The following REV1 variants were observed in gnomAD, a reference collection of about 807,000 sequenced individuals.
REV1 encodes translesion synthesis protein REV1.
REV1 carries 42 observed loss-of-function variants against 137.4 expected under a neutral mutation model. The observed-to-expected ratio is 0.31, with a 90% confidence interval of 0.24 to 0.40. The LOEUF (loss-of-function observed/expected upper bound fraction) is 0.40, where lower values mean the gene tolerates loss of function less well. Among genes scored for constraint, REV1 ranks in the 10% least tolerant of loss-of-function variants. REV1 has a pLI of 1.00. For synonymous variants in REV1, 524 were observed against 519.2 expected, an observed-to-expected ratio of 1.01 and a Z score of -0.12; for missense variants, 1,282 against 1,490.1, an observed-to-expected ratio of 0.86 and a Z score of 2.30.
chr2:99,404,265 GTC>G (rs1219606468), intron 18 of REV1, among the ~76,000 whole-genome samples, 177 bp downstream of exon 18: 1 of 152,010 alleles, frequency 6.6e-6, no homozygotes, highest in African/African-American at 2.4e-5. Context: ...GCTGCTCTGT[GTC>G]TACATCCTGC....
chr2:99,473,365 CAAAAAA>C (rs10645145), intron 1 of REV1, among the ~76,000 whole-genome samples: 2 of 112,080 alleles, frequency 1.8e-5, no homozygotes, highest in East Asian at 5.4e-4. Context: ...GAGACTGTCT[CAAAAAA>C]AAAAAAAAGA....
intron 15 of REV1, 112 bp downstream of exon 15, chr2:99,407,917 A>G: frequency 1.9e-6 from 1 of 515,848 alleles, no homozygotes; most frequent in Non-Finnish European, 3.3e-6. Context: ...AAGCAGCTAA[A>G]GACCTACATA....
intron 1 of REV1, among the ~76,000 whole-genome samples, chr2:99,471,417 T>TA (rs1217087835): frequency 1.6e-4 from 22 of 139,692 alleles, no homozygotes; most frequent in East Asian, 5.9e-4. Context: ...TACACCATGT[T>TA]AAAAAAAAAC....
In REV1 at chr2:99,421,666, A is replaced by G. The variant is rs374206477; in HGVS notation, c.1677-13T>C. ...GTTATGAGTGTAGCTATCAACACAG[A>G]GCAAAGGCAACGAATCACAGCCACA... On this transcript the variant is annotated splice_polypyrimidine_tract_variant and intron_variant, in intron 10 of 22. Transcript: ENST00000258428. 6.2e-7 allele frequency: 1 copy of G among 1,603,254 alleles called. No individual in the cohort carries two copies. Among genetic ancestry groups the G allele is most frequent in the African/African-American group, 1.3e-5 (1 of 74,426 alleles).
chr2:99,401,081 T>C lies in REV1; in HGVS notation c.*160A>G, dbSNP rs1473946562. 2.0e-6 allele frequency: 1 copy of C among 490,348 alleles called. No individual in the cohort carries two copies. Among genetic ancestry groups the C allele is most frequent in the Non-Finnish European group, 3.7e-6 (1 of 272,730 alleles). 30.4% of individuals were successfully genotyped at this position (490,348 alleles called of 1,614,324 possible). A position where few individuals can be genotyped will look rare whatever the true frequency, so the allele number is the denominator to read the frequency against. ...TAACACAATTATTTACATGCAATAC[T>C]GACAAATTTGGCACTTTTTGAAAAG... On this transcript the variant is annotated 3_prime_UTR_variant, in exon 23 of 23. Coordinates refer to ENST00000258428, the MANE Select transcript of REV1 (RefSeq NM_016316.4).
At chr2:99,461,147 C>T (rs531115892) in intron 3 of REV1, among the ~76,000 whole-genome samples, 72 of 152,336 alleles carry the variant, frequency 4.7e-4, no homozygotes, top group African/African-American at 1.7e-3. Flanking sequence ...CCCAATGCTG[C>T]ACCAGCATTT....
chr2:99,437,812 A>G (rs1201877542), intron 6 of REV1, among the ~76,000 whole-genome samples: 1 of 152,142 alleles, frequency 6.6e-6, no homozygotes, highest in Non-Finnish European at 1.5e-5. Flanking sequence ...ACCAAAAAGC[A>G]TTTTTTGACT....
At chr2:99,403,514 CA>C in intron 19 of REV1, 180 bp downstream of exon 19, 1 of 813,880 alleles carries the variant, frequency 1.2e-6, no homozygotes, top group Non-Finnish European at 1.9e-6. Flanking sequence ...AGTACAGACA[CA>C]AATCCAACTA....
At chr2:99,470,578 A>G (rs866397631) in intron 1 of REV1, among the ~76,000 whole-genome samples, 38 of 152,368 alleles carry the variant, frequency 2.5e-4, no homozygotes, top group Admixed American at 1.2e-3. Flanking sequence ...GGTCCAAGCA[A>G]GCGTTAGGTC....
At chr2:99,426,108 G>A (rs1248840511) in intron 9 of REV1, among the ~76,000 whole-genome samples, 2 of 151,898 alleles carry the variant, frequency 1.3e-5, no homozygotes, top group African/African-American at 4.8e-5. Flanking sequence ...CACTTTGGGA[G>A]GCCGAGGTGG....
At chr2:99,456,256 C>G (rs1009513030) in intron 3 of REV1, among the ~76,000 whole-genome samples, 1 of 152,188 alleles carries the variant, frequency 6.6e-6, no homozygotes, top group African/African-American at 2.4e-5. Context: ...TGAGTATCTA[C>G]AATGTGCCAG....
At position 99,403,159 on chromosome 2, in the gene REV1, G is replaced by T. The variant is rs923326848; in HGVS notation, c.3167-53C>A. On this transcript the variant is annotated intron_variant, in intron 19 of 22. Coordinates refer to ENST00000258428, the MANE Select transcript of REV1 (RefSeq NM_016316.4). Reference sequence around the variant, plus strand: ...AACAAAATGATAGTATGGATAGTCTGGATGACAGTATTGGGTTCTCTTTTC... The same window carrying T: ...AACAAAATGATAGTATGGATAGTCTTGATGACAGTATTGGGTTCTCTTTTC... 2.9e-6 allele frequency: 4 copies of T among 1,392,466 alleles called. No individual in the cohort carries two copies. The African/African-American group carries it at 4.4e-5, about 15-fold the overall frequency. The allele number at this position is 1,392,466 out of a possible 1,614,324, so 86.3% of individuals were successfully genotyped here.
At chr2:99,489,380 C>A (rs1687440339) in intron 1 of REV1, among the ~76,000 whole-genome samples, 1 of 152,158 alleles carries the variant, frequency 6.6e-6, no homozygotes, top group South Asian at 2.1e-4. Context: ...CCCGAACGCG[C>A]GCGTGAATGA....
At chr2:99,446,598 A>G (rs906808402) in intron 4 of REV1, among the ~76,000 whole-genome samples, 1 of 151,742 alleles carries the variant, frequency 6.6e-6, no homozygotes, top group Non-Finnish European at 1.5e-5. Context: ...AGGTTCAAGC[A>G]ATTCTCCTGC....
chr2:99,403,509 A>G (rs1357719181), intron 19 of REV1, 186 bp downstream of exon 19: 3 of 772,784 alleles, frequency 3.9e-6, no homozygotes, highest in South Asian at 2.0e-5. Flanking sequence ...CTGAAAGTAC[A>G]GACACAAATC....
At chr2:99,461,983 A>G (rs944527747) in intron 3 of REV1, among the ~76,000 whole-genome samples, 1 of 152,242 alleles carries the variant, frequency 6.6e-6, no homozygotes. Context: ...GAGAAAATGA[A>G]TAGAGAGACT....
chr2:99,463,463 C>T (rs80335359), intron 2 of REV1, among the ~76,000 whole-genome samples: 4 of 152,056 alleles, frequency 2.6e-5, no homozygotes, highest in African/African-American at 7.2e-5. Flanking sequence ...AGGTTGCAAA[C>T]GAGCTGAGAT....
Position 99,438,803 on chromosome 2 carries a change from A to C in REV1, c.1011T>G (p.Pro337=). 1.2e-6 allele frequency: 2 copies of C among 1,614,254 alleles called. No individual in the cohort carries two copies. Among genetic ancestry groups the C allele is most frequent in the Non-Finnish European group, 8.5e-7 (1 of 1,180,044 alleles). Reference sequence around the variant, plus strand: ...AGTCTGAAGGTTTGGATGGCACTGAAGGTGCTGCCTTGCTAAACGTAGATA... The same window carrying C: ...AGTCTGAAGGTTTGGATGGCACTGACGGTGCTGCCTTGCTAAACGTAGATA... ...SSVSTFSKAA[P]SVPSKPSDCN... is the part of the protein sequence containing the mutation. Residue 337 remains proline, a synonymous_variant, in exon 6 of 23, where the codon CCT becomes CCG. Coordinates refer to ENST00000258428, the MANE Select transcript of REV1 (RefSeq NM_016316.4).
chr2:99,414,376 G>A (rs1267496803), intron 12 of REV1, among the ~76,000 whole-genome samples: 3 of 152,028 alleles, frequency 2.0e-5, no homozygotes, highest in Non-Finnish European at 2.9e-5. Flanking sequence ...CGTTAAGCGT[G>A]CTCGTTCACA....
Sources: allele counts gnomAD v4.1 joint callset (sites outside exome capture counted in the v4.1 genomes callset), GRCh38; gene constraint gnomAD v4.1.1; transcripts MANE v1.5; gene names NCBI Gene and HGNC (gene_info 2026-07-23, HGNC 2026-07-21).